GRIK1: variants seen among roughly 807,000 people sequenced by gnomAD.
GRIK1 encodes glutamate ionotropic receptor kainate type subunit 1.
GRIK1 carries 69 observed loss-of-function variants against 105.7 expected under a neutral mutation model. The observed-to-expected ratio is 0.65, with a 90% confidence interval of 0.54 to 0.80. GRIK1 has a LOEUF of 0.80. GRIK1 is among the 30% of genes least tolerant of loss of function. The probability of loss-of-function intolerance (pLI) is 0.00; values close to 1 mark genes in which losing one functional copy is unlikely to be tolerated. For missense variants in GRIK1, 1,109 were observed against 1,167.3 expected, an observed-to-expected ratio of 0.95 and a Z score of 0.73; for synonymous variants, 438 against 431.3, an observed-to-expected ratio of 1.02 and a Z score of -0.19.
chr21:29,715,851 T>G (rs2064164657), intron 1 of GRIK1, among the ~76,000 whole-genome samples: 1 of 152,024 alleles, frequency 6.6e-6, no homozygotes, highest in Non-Finnish European at 1.5e-5. Flanking sequence ...TGTAGTATTA[T>G]CTTATTATAA....
intron 1 of GRIK1, among the ~76,000 whole-genome samples, chr21:29,892,793 A>G (rs2069950991): frequency 6.6e-6 from 1 of 152,084 alleles, no homozygotes; most frequent in South Asian, 2.1e-4. Context: ...TTTTTGTGCT[A>G]TTTAGTGTAT....
At chr21:29,859,113 C>T (rs3015829) in intron 1 of GRIK1, among the ~76,000 whole-genome samples, 47,930 of 149,462 alleles carry the variant, frequency 0.32, 8,262 homozygotes, top group East Asian at 0.46. Context: ...ATCGCAAGGA[C>T]GAAAAACCAA....
intron 12 of GRIK1, among the ~76,000 whole-genome samples, chr21:29,585,950 A>T (rs1234122401): frequency 6.6e-6 from 1 of 152,194 alleles, no homozygotes; most frequent in Non-Finnish European, 1.5e-5. Flanking sequence ...ACACCATAAG[A>T]TGTTTGGCAG....
chr21:29,588,174 C>A (rs567023354), intron 11 of GRIK1, among the ~76,000 whole-genome samples: 1 of 151,742 alleles, frequency 6.6e-6, no homozygotes, highest in South Asian at 2.1e-4. Context: ...CGGGGTTTCA[C>A]TGTGTTAACC....
chr21:29,736,559 A>G (rs1350702890), intron 1 of GRIK1, among the ~76,000 whole-genome samples: 1 of 151,956 alleles, frequency 6.6e-6, no homozygotes, highest in African/African-American at 2.4e-5. Flanking sequence ...CCTTAAGGAT[A>G]TGTTTCATAA....
intron 1 of GRIK1, among the ~76,000 whole-genome samples, chr21:29,856,264 G>A (rs997578537): frequency 2.6e-5 from 4 of 152,166 alleles, no homozygotes; most frequent in Non-Finnish European, 5.9e-5. Context: ...AACCAGCAGA[G>A]GAGAATGAGA....
chr21:29,584,986 A>T (rs572398179), intron 12 of GRIK1, among the ~76,000 whole-genome samples: 1 of 152,306 alleles, frequency 6.6e-6, no homozygotes, highest in South Asian at 2.1e-4. Flanking sequence ...TGAAAGTAGA[A>T]TCTTCATGAC....
At chr21:29,922,103 G>A (rs1483907918) in intron 1 of GRIK1, among the ~76,000 whole-genome samples, 5 of 152,034 alleles carry the variant, frequency 3.3e-5, no homozygotes, top group Non-Finnish European at 7.4e-5. Context: ...TTCCGCTCTT[G>A]GGTTACATGC....
intron 1 of GRIK1, among the ~76,000 whole-genome samples, chr21:29,784,622 A>C (rs1382999468): frequency 6.6e-6 from 1 of 152,210 alleles, no homozygotes; most frequent in Non-Finnish European, 1.5e-5. Context: ...ACATACACAG[A>C]AAATCTCTTT....
chr21:29,826,973 C>T (rs755194696), intron 1 of GRIK1, among the ~76,000 whole-genome samples: 2 of 152,008 alleles, frequency 1.3e-5, no homozygotes, highest in Admixed American at 6.6e-5. Flanking sequence ...GGACCACATG[C>T]GTTTATTTCA....
chr21:29,731,700 AC>A (rs1307434575), intron 1 of GRIK1, among the ~76,000 whole-genome samples: 2 of 152,214 alleles, frequency 1.3e-5, no homozygotes, highest in African/African-American at 4.8e-5. Flanking sequence ...CAATTAGAAC[AC>A]GAACCAGATG....
chr21:29,844,017 G>A (rs1304028490), intron 1 of GRIK1, among the ~76,000 whole-genome samples: 1 of 152,198 alleles, frequency 6.6e-6, no homozygotes, highest in Admixed American at 6.5e-5. Context: ...TTTTCTGACA[G>A]GAGAGTGACA....
intron 1 of GRIK1, among the ~76,000 whole-genome samples, chr21:29,836,204 A>G (rs2067802009): frequency 6.6e-6 from 1 of 152,244 alleles, no homozygotes; most frequent in Admixed American, 6.5e-5. Flanking sequence ...GCACTGGGAA[A>G]TTTAAGAGAA....
chr21:29,823,118 A>G (rs1048097647), intron 1 of GRIK1, among the ~76,000 whole-genome samples: 2 of 152,004 alleles, frequency 1.3e-5, no homozygotes, highest in African/African-American at 4.8e-5. Flanking sequence ...TGTACTATGA[A>G]AGAAAAATGA....
chr21:29,574,640 C>A (rs1446408488), intron 14 of GRIK1, among the ~76,000 whole-genome samples: 7 of 149,404 alleles, frequency 4.7e-5, no homozygotes, highest in African/African-American at 1.5e-4. Context: ...AAAGAAGAAA[C>A]AATCACCATG....
chr21:29,821,946 C>T (rs2067318309), intron 1 of GRIK1, among the ~76,000 whole-genome samples: 2 of 151,898 alleles, frequency 1.3e-5, no homozygotes, highest in African/African-American at 4.8e-5. Flanking sequence ...CACAAATCTC[C>T]AAAAATTTAC....
chr21:29,761,455 A>C (rs1160112403), intron 1 of GRIK1: 4 of 152,238 alleles, frequency 2.6e-5, no homozygotes, highest in Admixed American at 2.6e-4. Context: ...GCTTAAGTAG[A>C]AATCTAATTA....
At position 29,905,957 on chromosome 21, in the gene GRIK1, G is replaced by GT. The variant is rs796094508; in HGVS notation, c.118+33425dup. Among the ~76,000 whole-genome samples the GT allele has an allele frequency of 7.8e-4, 111 of 142,598 alleles. 1 individual carries two copies. In the East Asian group the frequency reaches 0.02, roughly 26 times the overall value. 93.5% of individuals were successfully genotyped at this position (142,598 alleles called of 152,430 possible). A position where few individuals can be genotyped will look rare whatever the true frequency, so the allele number is the denominator to read the frequency against. On this transcript the variant is annotated intron_variant, in intron 1 of 17. Coordinates refer to ENST00000327783, the MANE Select transcript of GRIK1 (RefSeq NM_001330994.2). ...ACTTGTTTTTTTTGTTTGTTTGTTTGTTTGTTTTAAATATCTGTTATTGCC... is the reference window on the plus strand; with the variant it reads ...ACTTGTTTTTTTTGTTTGTTTGTTTGTTTTGTTTTAAATATCTGTTATTGCC...
chr21:29,860,223 C>T (rs1333809400), intron 1 of GRIK1, among the ~76,000 whole-genome samples: 1 of 152,196 alleles, frequency 6.6e-6, no homozygotes. Context: ...AGGCTATCTA[C>T]TCTAAGCCTT....
Sources: gnomAD v4.1 joint callset for allele counts (sites outside exome capture counted in the v4.1 genomes callset) on GRCh38, gnomAD v4.1.1 for gene constraint, MANE v1.5 for transcripts, NCBI Gene and HGNC (gene_info 2026-07-23, HGNC 2026-07-21) for gene names.